GYS1: variants seen among roughly 807,000 people sequenced by gnomAD.
GYS1 encodes glycogen [starch] synthase, muscle.
Under a neutral mutation model 89.1 loss-of-function variants are expected in GYS1, and 60 were observed. That is an observed-to-expected ratio of 0.67 (90% confidence interval 0.55 to 0.84). The LOEUF (loss-of-function observed/expected upper bound fraction) is 0.84. Among genes scored for constraint, GYS1 ranks in the 40% least tolerant of loss-of-function variants. GYS1 has a pLI of 0.00. For synonymous variants in GYS1, 366 were observed against 401.7 expected (o/e 0.91, Z 1.06); for missense variants, 888 against 1,003.1 (o/e 0.89, Z 1.55).
chr19:48,979,336 C>CTTTTTTTTTTTTTCTTTT (rs2038712288), intron 8 of GYS1, among the ~76,000 whole-genome samples: 1 of 92,748 alleles, frequency 1.1e-5, no homozygotes, highest in Non-Finnish European at 2.2e-5. Flanking sequence ...TTTTTCTTTT[C>CTTTTTTTTTTTTTCTTTT]TTTTTTTTTT....
chr19:48,969,367 TC>T lies in GYS1; in HGVS notation c.2134del (p.Asp712ThrfsTer130). The stretch of plus-strand genomic sequence containing the variant: ...GCTGAGTGAGCTGGAGGTGGCCGTG[TC>T]CACAGAGTTGCGCTTGCTGCCGCTG... ...STSGSKRNSV[D>X]TATSSSLSTP... On this transcript the variant is annotated frameshift_variant, in exon 16 of 16. Coordinates refer to ENST00000323798, the MANE Select transcript of GYS1 (RefSeq NM_002103.5). LOFTEE classifies it high-confidence loss of function. The T allele has an allele frequency of 6.3e-7, 1 of 1,581,712 alleles. No individual in the cohort carries two copies.
intron 7 of GYS1, 131 bp from the exon 8 acceptor site, chr19:48,981,767 A>C: frequency 4.6e-6 from 3 of 658,908 alleles, no homozygotes; most frequent in Non-Finnish European, 8.2e-6. Context: ...GACAGTCCCC[A>C]CCTGGACTCT....
intron 14 of GYS1, 191 bp downstream of exon 14, chr19:48,970,355 T>C (rs2038542958): frequency 1.7e-6 from 1 of 600,626 alleles, no homozygotes; most frequent in South Asian, 1.9e-5. Context: ...CCTGAGCTCA[T>C]GCGATCCTTC....
chr19:48,973,998 T>C (rs2038605548), intron 12 of GYS1, among the ~76,000 whole-genome samples: 1 of 152,318 alleles, frequency 6.6e-6, no homozygotes, highest in South Asian at 2.1e-4. Context: ...AACTGTGACA[T>C]CCAGTTCACT....
intron 1 of GYS1, among the ~76,000 whole-genome samples, chr19:48,992,747 G>C (rs564717888): frequency 6.6e-6 from 1 of 152,176 alleles, no homozygotes; most frequent in African/African-American, 2.4e-5. Flanking sequence ...CAGGACCTAG[G>C]AGTCTCATTT....
At chr19:48,973,666 G>A (rs147853498) in intron 12 of GYS1, among the ~76,000 whole-genome samples, 1,627 of 151,970 alleles carry the variant, frequency 0.011, 32 homozygotes, top group African/African-American at 0.036. Flanking sequence ...CTACAGGTGC[G>A]TACCACCACA....
chr19:48,974,760 G>A, intron 10 of GYS1, 27 bp from the exon 11 acceptor site: 1 of 1,471,894 alleles, frequency 6.8e-7, no homozygotes, highest in South Asian at 1.1e-5. Context: ...AAGGGTAAGG[G>A]GTCATGGAAG....
At position 48,969,583 on chromosome 19, in the gene GYS1, G is replaced by A. The variant is rs1470345016; in HGVS notation, c.1919C>T (p.Ala640Val). Residue 640 changes from alanine to valine, a missense_variant, in exon 16 of 16, where the codon GCC becomes GTC. By Grantham distance (64) the Ala-to-Val change is moderately conservative. Coordinates refer to ENST00000323798, the MANE Select transcript of GYS1 (RefSeq NM_002103.5). Reference protein sequence around the residue: ...AAQGYRYPRPASVPPSPSLSR... With the variant: ...AAQGYRYPRPVSVPPSPSLSR... ...CAGCGAGGGCGACGGTGGCACCGAG[G>A]CTGGCCGTGGGTAGCGGTACCCCTG... 2 of 1,538,220 alleles carry A rather than the reference G, an allele frequency of 1.3e-6. No homozygotes were observed. The highest frequency in any genetic ancestry group is 1.7e-6 in the Non-Finnish European group (2 of 1,147,058).
chr19:48,982,405 CA>C, intron 6 of GYS1, 30 bp from the exon 7 acceptor site: 7 of 1,613,378 alleles, frequency 4.3e-6, no homozygotes, highest in Non-Finnish European at 5.9e-6. Context: ...CGGTAAAGCC[CA>C]AAGCCCTCAC....
Position 48,970,539 on chromosome 19 carries a change from G to T in GYS1, c.1809+7C>A, listed in dbSNP as rs750481025. On this transcript the variant is annotated splice_region_variant and intron_variant, in intron 14 of 15. Coordinates refer to ENST00000323798, the MANE Select transcript of GYS1 (RefSeq NM_002103.5). ...GCCAGGAGAGGATAGGAAAGTGGGGGTCCTACCCGGCCTAGGTATTTCCAG... is the reference window on the plus strand; with the variant it reads ...GCCAGGAGAGGATAGGAAAGTGGGGTTCCTACCCGGCCTAGGTATTTCCAG... 2 of 1,612,458 alleles carry T rather than the reference G, an allele frequency of 1.2e-6. No individual in the cohort carries two copies. The highest frequency in any genetic ancestry group is 2.7e-5 in the African/African-American group (2 of 74,876).
chr19:48,986,838 G>C (rs2038850090), intron 3 of GYS1, among the ~76,000 whole-genome samples: 1 of 152,176 alleles, frequency 6.6e-6, no homozygotes, highest in Non-Finnish European at 1.5e-5. Flanking sequence ...CTAGAAGGGG[G>C]TCAAAACCAG....
chr19:48,989,115 A>T (rs1342742428), intron 2 of GYS1, among the ~76,000 whole-genome samples: 106 of 113,974 alleles, frequency 9.3e-4, no homozygotes, highest in African/African-American at 1.3e-3. Context: ...TCTTTCTTCC[A>T]TTTTTTTTTG....
rs115825640 is a variant in GYS1, at chr19:48,983,245, C to T, written c.824-408G>A. On this transcript the variant is annotated intron_variant, in intron 5 of 15. Coordinates refer to ENST00000323798, the MANE Select transcript of GYS1 (RefSeq NM_002103.5). ...GCTTCAAGCAGTCTTCCTGCCCTGGCCTCCTAAAGTGCTGGGATTACAGGT... is the reference window on the plus strand; with the variant it reads ...GCTTCAAGCAGTCTTCCTGCCCTGGTCTCCTAAAGTGCTGGGATTACAGGT... Among the ~76,000 whole-genome samples the T allele has an allele frequency of 7.6e-3, 1,156 of 152,292 alleles. 12 individuals carry two copies. The highest frequency in any genetic ancestry group is 0.021 in the African/African-American group (857 of 41,556).
intron 12 of GYS1, among the ~76,000 whole-genome samples, chr19:48,974,005 C>A (rs2038605687): frequency 6.6e-6 from 1 of 152,194 alleles, no homozygotes; most frequent in African/African-American, 2.4e-5. Flanking sequence ...ACATCCAGTT[C>A]ACTAGTCCTC....
In GYS1 at chr19:48,982,623, C is replaced by T. The variant is rs565580272; in HGVS notation, c.941+97G>A. The T allele has an allele frequency of 1.8e-5, 18 of 981,930 alleles. No individual in the cohort carries two copies. In the East Asian group the frequency reaches 4.0e-4, roughly 22 times the overall value. The allele number at this position is 981,930 out of a possible 1,614,324, so 60.8% of individuals were successfully genotyped here. On this transcript the variant is annotated intron_variant, in intron 6 of 15. Coordinates refer to ENST00000323798, the MANE Select transcript of GYS1 (RefSeq NM_002103.5). ...ACCCAGGTGCCCCCTCCCTCAGACC[C>T]AGGAGTCTGGGCCCCCAGCTGCCCC... is the stretch of plus-strand genomic sequence containing the variant.
intron 15 of GYS1, 30 bp from the exon 16 acceptor site, chr19:48,969,641 G>T (rs2038523382): frequency 6.4e-7 from 1 of 1,561,326 alleles, no homozygotes; most frequent in Non-Finnish European, 8.6e-7. Context: ...TGCAAACCAG[G>T]GTGAGCTGAG....
At chr19:48,975,087 C>T (rs1311343660) in intron 10 of GYS1, among the ~76,000 whole-genome samples, 1 of 152,042 alleles carries the variant, frequency 6.6e-6, no homozygotes, top group Non-Finnish European at 1.5e-5. Context: ...CCTACCACCA[C>T]GCCCGGTTAA....
chr19:48,988,289 C>T (rs2038872341), intron 2 of GYS1, among the ~76,000 whole-genome samples: 1 of 152,204 alleles, frequency 6.6e-6, no homozygotes, highest in African/African-American at 2.4e-5. Context: ...CAACCATCTG[C>T]ATCTCCCACT....
Position 48,969,607 on chromosome 19 carries a change from T to C in GYS1, c.1895A>G (p.Gln632Arg), listed in dbSNP as rs2038522437. 2 of 1,540,480 alleles carry C rather than the reference T, an allele frequency of 1.3e-6. No homozygotes were observed. The highest frequency in any genetic ancestry group is 1.7e-6 in the Non-Finnish European group (2 of 1,148,294). ...TYEPNEADAA[Q>R]GYRYPRPASV... ...GGCTGGCCGTGGGTAGCGGTACCCC[T>C]GGGCCTGCATACGGCGATGTGGGTG... The change falls in exon 16 of 16, where the codon CAG (glutamine) becomes CGG (arginine). Residue 632 changes from glutamine to arginine, a missense_variant. Coordinates refer to ENST00000323798, the MANE Select transcript of GYS1 (RefSeq NM_002103.5).
Sources: gnomAD v4.1 joint callset for allele counts (sites outside exome capture counted in the v4.1 genomes callset) on GRCh38, gnomAD v4.1.1 for gene constraint, MANE v1.5 for transcripts, NCBI Gene and HGNC (gene_info 2026-07-23, HGNC 2026-07-21) for gene names.